The following RFTN1 variants were observed in gnomAD, a reference collection of about 807,000 sequenced individuals.
RFTN1 encodes raftlin, lipid raft linker 1, also known as raftlin.
In RFTN1, 26 loss-of-function variants were observed where a neutral mutation model predicts 46.5. That is an observed-to-expected ratio of 0.56 (90% CI 0.41 to 0.78). RFTN1 has a LOEUF of 0.78. Ranked by LOEUF, RFTN1 falls within the 30% of genes least tolerant of loss-of-function variation. The pLI, the probability that RFTN1 is intolerant of heterozygous loss-of-function variation, is 0.00. For synonymous variants in RFTN1, 261 were observed against 284.2 expected (o/e 0.92, Z 0.82); for missense variants, 693 against 718.7 (o/e 0.96, Z 0.41).
chr3:16,494,700 C>T (rs894101485), intron 1 of RFTN1, among the ~76,000 whole-genome samples: 4 of 152,168 alleles, frequency 2.6e-5, no homozygotes, highest in Admixed American at 6.5e-5. Flanking sequence ...GCAATGAAGG[C>T]TCTCTGTTTA....
In RFTN1 at chr3:16,422,383, C is replaced by A. The variant is rs562744143; in HGVS notation, c.332+11468G>T. On this transcript the variant is annotated intron_variant, in intron 3 of 9. Coordinates refer to ENST00000334133, the MANE Select transcript of RFTN1 (RefSeq NM_015150.2). The surrounding 1 kb of genome is among the most constrained non-coding windows in gnomAD (Gnocchi z 4.6). ...TGGTGGCTCACGCCTGTAATCCCAGCACTTTGGGAGGCTGAGGCGGGTGGA... is the reference window on the plus strand; with the variant it reads ...TGGTGGCTCACGCCTGTAATCCCAGAACTTTGGGAGGCTGAGGCGGGTGGA... Among the ~76,000 whole-genome samples the A allele has an allele frequency of 3.5e-4, 53 of 152,184 alleles. 1 individual carries two copies. The highest frequency in any genetic ancestry group is 1.0e-3 in the African/African-American group (42 of 41,520).
Position 16,509,749 on chromosome 3 carries a change from G to A in RFTN1, c.-9+3693C>T, listed in dbSNP as rs953443373. On this transcript the variant is annotated intron_variant, in intron 1 of 9. Transcript: ENST00000334133. The surrounding 1 kb of genome is among the most constrained non-coding windows in gnomAD (Gnocchi z 4.9). ...GACACCCACTGTCAACCTCCAGAGA[G>A]GCGATCACCCAGATGGGTATCACGA... is the stretch of plus-strand genomic sequence containing the variant. Among the ~76,000 whole-genome samples, 4 of 152,138 alleles carry A rather than the reference G, an allele frequency of 2.6e-5. No homozygotes were observed. The highest frequency in any genetic ancestry group is 5.9e-5 in the Non-Finnish European group (4 of 68,032).
intron 2 of RFTN1, 135 bp from the exon 3 acceptor site, chr3:16,434,172 G>T: frequency 1.4e-6 from 1 of 723,362 alleles, no homozygotes; most frequent in Non-Finnish European, 2.2e-6. Context: ...AGTTTTTACT[G>T]TCTTCAAACA....
At chr3:16,377,654 G>A (rs1319358110) in intron 5 of RFTN1, 64 bp downstream of exon 5, 11 of 1,517,656 alleles carry the variant, frequency 7.2e-6, no homozygotes, top group Non-Finnish European at 9.7e-6. Flanking sequence ...ATACCATGGG[G>A]ATTAATGAAA....
rs2076502583 is a variant in RFTN1, at chr3:16,489,300, C to T, written c.145+4425G>A. ...GGGCATGGTGGCGGGCACCTGTAAT[C>T]CCAACTACTCGGCAGGCTGAGGCAC... On this transcript the variant is annotated intron_variant, in intron 2 of 9. Coordinates refer to ENST00000334133, the MANE Select transcript of RFTN1 (RefSeq NM_015150.2). The surrounding 1 kb of genome is among the most constrained non-coding windows in gnomAD (Gnocchi z 4.0). 6.6e-6 allele frequency among the ~76,000 whole-genome samples: 1 copy of T among 152,034 alleles called. No individual in the cohort carries two copies. The highest frequency in any genetic ancestry group is 2.1e-4 in the South Asian group (1 of 4,810).
rs2075979631 is a variant in RFTN1 at position 16,459,882 on chromosome 3, TAACTTTTAGTTATTTGAC to T, written c.146-25863_146-25846del. Among the ~76,000 whole-genome samples, 1 of 152,204 alleles carries T rather than the reference TAACTTTTAGTTATTTGAC, an allele frequency of 6.6e-6. No individual in the cohort carries two copies. Among genetic ancestry groups the T allele is most frequent in the Non-Finnish European group, 1.5e-5 (1 of 68,024 alleles). On this transcript the variant is annotated intron_variant, in intron 2 of 9. Transcript: ENST00000334133. This position sits in a 1 kb window ranked among gnomAD's most constrained non-coding sequence, Gnocchi z 4.2. ...GAAGTTTATCATTTTTTGGTTCCTA[TAACTTTTAGTTATTTGAC>T]ATTTGCAAACTAAACTGGAAAACTA...
intron 4 of RFTN1, among the ~76,000 whole-genome samples, chr3:16,408,767 G>C (rs1183377088): frequency 6.8e-6 from 1 of 146,910 alleles, no homozygotes; most frequent in Non-Finnish European, 1.5e-5. Flanking sequence ...GGGAATTGTC[G>C]ATTACTAGGG....
intron 6 of RFTN1, among the ~76,000 whole-genome samples, chr3:16,360,950 C>T (rs984072036): frequency 7.2e-5 from 11 of 152,290 alleles, no homozygotes; most frequent in Non-Finnish European, 1.5e-4. Flanking sequence ...AGGAAATACA[C>T]AAAATGCTAG....
intron 6 of RFTN1, among the ~76,000 whole-genome samples, chr3:16,365,264 T>TG (rs1371104960): frequency 2.0e-5 from 3 of 152,178 alleles, no homozygotes; most frequent in African/African-American, 4.8e-5. Flanking sequence ...TGCAGATTCC[T>TG]GGGGAAACAC....
chr3:16,405,989 A>G (rs935680423), intron 4 of RFTN1, among the ~76,000 whole-genome samples: 4 of 152,212 alleles, frequency 2.6e-5, no homozygotes, highest in Admixed American at 6.5e-5. Flanking sequence ...ACCACTACAT[A>G]TATATAAATA....
rs570826227 is a variant in RFTN1, at chr3:16,485,014, T to C, written c.145+8711A>G. On this transcript the variant is annotated intron_variant, in intron 2 of 9. Transcript: ENST00000334133. ...AGCTCTCTACTCTCATACATTGTTG[T>C]TGGAAATGTAAAATAGAACAAACAC... 2.1e-3 allele frequency among the ~76,000 whole-genome samples: 317 copies of C among 152,372 alleles called. 2 individuals are homozygous for C. The highest frequency in any genetic ancestry group is 7.3e-3 in the African/African-American group (304 of 41,584).
At position 16,447,239 on chromosome 3, in the gene RFTN1, T is replaced by C. The variant is rs879277237; in HGVS notation, c.146-13202A>G. On this transcript the variant is annotated intron_variant, in intron 2 of 9. Coordinates refer to ENST00000334133, the MANE Select transcript of RFTN1 (RefSeq NM_015150.2). This position sits in a 1 kb window ranked among gnomAD's most constrained non-coding sequence, Gnocchi z 5.9. ...TAACAAATAATATTCCTCTGTCTTA[T>C]GACATCACAAAAGATTCAACAAAAC... 2.0e-5 allele frequency among the ~76,000 whole-genome samples: 3 copies of C among 152,240 alleles called. No homozygotes were observed. Among genetic ancestry groups the C allele is most frequent in the Non-Finnish European group, 2.9e-5 (2 of 68,046 alleles).
intron 1 of RFTN1, among the ~76,000 whole-genome samples, chr3:16,497,582 C>A (rs2076646116): frequency 6.6e-6 from 1 of 152,174 alleles, no homozygotes; most frequent in East Asian, 1.9e-4. Context: ...GCTCTCATGC[C>A]CACCCTGCTG....
At chr3:16,455,792 A>T (rs1489878614) in intron 2 of RFTN1, among the ~76,000 whole-genome samples, 3 of 152,226 alleles carry the variant, frequency 2.0e-5, no homozygotes, top group Admixed American at 1.3e-4. Context: ...AACTCAACGG[A>T]TATCCTAGTC....
chr3:16,340,350 G>A (rs926876350), intron 7 of RFTN1, among the ~76,000 whole-genome samples: 1 of 152,232 alleles, frequency 6.6e-6, no homozygotes, highest in African/African-American at 2.4e-5. Flanking sequence ...AAGAGGTTCA[G>A]GTTAGCTTAC....
At position 16,483,232 on chromosome 3, in the gene RFTN1, C is replaced by T. The variant is rs1479047934; in HGVS notation, c.145+10493G>A. On this transcript the variant is annotated intron_variant, in intron 2 of 9. Transcript: ENST00000334133. This position sits in a 1 kb window ranked among gnomAD's most constrained non-coding sequence, Gnocchi z 4.8. ...GTACTTGAGGCTCTATCTAAAGGAA[C>T]CCCATGGTGAAACCCACTTTAAACC... Among the ~76,000 whole-genome samples, 1 of 152,146 alleles carries T rather than the reference C, an allele frequency of 6.6e-6. No individual in the cohort carries two copies. The highest frequency in any genetic ancestry group is 1.5e-5 in the Non-Finnish European group (1 of 68,020).
In RFTN1 at chr3:16,348,382, G is replaced by C. The variant is rs1304262231; in HGVS notation, c.1146+9550C>G. ...TAATTATAAAAAAAAATTAATAGATGTGCCTTCTCTTCCAGCTGGCCTCTG... is the reference window on the plus strand; with the variant it reads ...TAATTATAAAAAAAAATTAATAGATCTGCCTTCTCTTCCAGCTGGCCTCTG... On this transcript the variant is annotated intron_variant, in intron 7 of 9. Coordinates refer to ENST00000334133, the MANE Select transcript of RFTN1 (RefSeq NM_015150.2). This position sits in a 1 kb window ranked among gnomAD's most constrained non-coding sequence, Gnocchi z 6.3. Among the ~76,000 whole-genome samples the C allele has an allele frequency of 6.6e-6, 1 of 152,028 alleles. No individual in the cohort carries two copies. Among genetic ancestry groups the C allele is most frequent in the Non-Finnish European group, 1.5e-5 (1 of 68,018 alleles).
In RFTN1 at chr3:16,446,441, C is replaced by T. The variant is rs1284599650; in HGVS notation, c.146-12404G>A. Among the ~76,000 whole-genome samples, 3 of 152,034 alleles carry T rather than the reference C, an allele frequency of 2.0e-5. No individual in the cohort carries two copies. Among genetic ancestry groups the T allele is most frequent in the Non-Finnish European group, 4.4e-5 (3 of 68,024 alleles). Reference sequence around the variant, plus strand: ...TTCATCGGCCTCATCTCTCGGTCCACGTCCAACAAGCAGAAGGGACACCTC... The same window carrying T: ...TTCATCGGCCTCATCTCTCGGTCCATGTCCAACAAGCAGAAGGGACACCTC... On this transcript the variant is annotated intron_variant, in intron 2 of 9. Transcript: ENST00000334133. This position sits in a 1 kb window ranked among gnomAD's most constrained non-coding sequence, Gnocchi z 4.5.
chr3:16,388,108 A>G (rs1279341142), intron 4 of RFTN1, among the ~76,000 whole-genome samples: 1 of 152,080 alleles, frequency 6.6e-6, no homozygotes, highest in East Asian at 1.9e-4. Flanking sequence ...CCACATCCCA[A>G]ACTCCTGACA....
Sources: allele counts gnomAD v4.1 joint callset (sites outside exome capture counted in the v4.1 genomes callset), GRCh38; gene constraint gnomAD v4.1.1; non-coding constraint Gnocchi (gnomAD v3.1); transcripts MANE v1.5; gene names NCBI Gene and HGNC (gene_info 2026-07-23, HGNC 2026-07-21).